LAMC3: variants seen among roughly 807,000 people sequenced by gnomAD.
The protein encoded by LAMC3 is laminin subunit gamma 3, also known as laminin subunit gamma-3.
LAMC3 carries 128 observed loss-of-function variants against 173.8 expected under a neutral mutation model. That is an observed-to-expected ratio of 0.74 (90% CI 0.64 to 0.85). LAMC3 has a LOEUF of 0.85. Ranked by LOEUF, LAMC3 falls within the 40% of genes least tolerant of loss-of-function variation. LAMC3 has a pLI of 0.00. For missense variants in LAMC3, 2,022 were observed against 2,156.0 expected (o/e 0.94, Z 1.23); for synonymous variants, 897 against 909.1 (o/e 0.99, Z 0.24).
At position 131,038,468 on chromosome 9, in the gene LAMC3, T is replaced by C. The variant is rs1305934553; in HGVS notation, c.977-396T>C. Among the ~76,000 whole-genome samples, 3 of 152,238 alleles carry C rather than the reference T, an allele frequency of 2.0e-5. No individual in the cohort carries two copies. In the East Asian group the frequency reaches 5.8e-4, roughly 29 times the overall value. ...GTGCTTTCTGTACCCCTGAGTGACCTCACACAATAGTGAGAGTCACACTAT... is the reference window on the plus strand; with the variant it reads ...GTGCTTTCTGTACCCCTGAGTGACCCCACACAATAGTGAGAGTCACACTAT... On this transcript the variant is annotated intron_variant, in intron 4 of 27. Coordinates refer to ENST00000361069, the MANE Select transcript of LAMC3 (RefSeq NM_006059.4).
intron 1 of LAMC3, among the ~76,000 whole-genome samples, chr9:131,017,496 C>T (rs1006479533): frequency 1.3e-5 from 2 of 149,074 alleles, no homozygotes; most frequent in South Asian, 2.1e-4. Flanking sequence ...AGGCCGAGGC[C>T]GGCGGATCAC....
intron 4 of LAMC3, among the ~76,000 whole-genome samples, chr9:131,038,083 C>T (rs1588145528): frequency 6.6e-6 from 1 of 152,168 alleles, no homozygotes; most frequent in Non-Finnish European, 1.5e-5. Context: ...GCTTTCGCCT[C>T]CTGTCTGCGA....
At position 131,061,241 on chromosome 9, in the gene LAMC3, C is replaced by A; in HGVS notation, c.2347+18C>A. 6.3e-7 allele frequency: 1 copy of A among 1,592,284 alleles called. No individual in the cohort carries two copies. On this transcript the variant is annotated intron_variant, in intron 13 of 27. Coordinates refer to ENST00000361069, the MANE Select transcript of LAMC3 (RefSeq NM_006059.4). ...CCAGAGAGGTAAGTGACTCCTGCCC[C>A]GGAGCCCTGCCCCGCAGAGGGCCAA...
intron 2 of LAMC3, among the ~76,000 whole-genome samples, chr9:131,030,782 C>T (rs1276780685): frequency 3.9e-5 from 6 of 152,360 alleles, no homozygotes; most frequent in South Asian, 2.1e-4. Context: ...CTCTGGACTG[C>T]GGGACTTCCC....
Position 131,071,531 on chromosome 9 carries a change from A to G in LAMC3, c.3117A>G (p.Gln1039=), listed in dbSNP as rs566482956. The G allele has an allele frequency of 3.1e-6, 5 of 1,613,822 alleles. No individual in the cohort carries two copies. In the East Asian group the frequency reaches 8.9e-5, roughly 29 times the overall value. Residue 1039 remains glutamine (Q), a synonymous_variant, in exon 18 of 28, where the codon CAA becomes CAG. Transcript: ENST00000361069. ...TGACTTTGACGGAGGGGTGGCTCCAAGGGTCCGACTGTGGCAGTCCCTGGG... is the reference window on the plus strand; with the variant it reads ...TGACTTTGACGGAGGGGTGGCTCCAGGGGTCCGACTGTGGCAGTCCCTGGG... ...ARLTLTEGWL[Q]GSDCGSPWGP... is the part of the protein sequence containing the mutation.
intron 8 of LAMC3, among the ~76,000 whole-genome samples, chr9:131,046,518 A>ATTTTTGTTTTTTTTTT (rs1834163622): frequency 2.0e-5 from 1 of 49,170 alleles, no homozygotes; most frequent in Non-Finnish European, 3.7e-5. Context: ...TAATTTTTGT[A>ATTTTTGTTTTTTTTTT]TTTTTTTTTT....
chr9:131,059,864 C>G (rs1342174663), intron 12 of LAMC3, among the ~76,000 whole-genome samples: 4 of 152,232 alleles, frequency 2.6e-5, no homozygotes, highest in Non-Finnish European at 5.9e-5. Flanking sequence ...ACAGTTCCCC[C>G]TGGATGCCAG....
chr9:131,028,067 G>C (rs1341987247), intron 2 of LAMC3, among the ~76,000 whole-genome samples: 3 of 152,226 alleles, frequency 2.0e-5, no homozygotes, highest in Admixed American at 6.5e-5. Flanking sequence ...AGCAGGAGAT[G>C]AGCGCGGGCA....
intron 13 of LAMC3, among the ~76,000 whole-genome samples, chr9:131,064,053 A>G (rs1269488315): frequency 6.6e-6 from 1 of 152,064 alleles, no homozygotes; most frequent in Non-Finnish European, 1.5e-5. Flanking sequence ...GATTACAGGC[A>G]TGCACCACCA....
chr9:131,058,788 G>A (rs904754782), intron 12 of LAMC3, among the ~76,000 whole-genome samples: 4 of 151,604 alleles, frequency 2.6e-5, no homozygotes, highest in African/African-American at 9.7e-5. Flanking sequence ...CAGCTGCTTG[G>A]GAGGCTGAGG....
At chr9:131,071,384 G>A in intron 17 of LAMC3, 100 bp from the exon 18 acceptor site, 3 of 1,402,724 alleles carry the variant, frequency 2.1e-6, no homozygotes, top group African/African-American at 1.4e-5. Context: ...TTGGAGAAGG[G>A]AACCCCCAGG....
chr9:131,012,733 C>T (rs983609063), intron 1 of LAMC3, among the ~76,000 whole-genome samples: 3 of 152,234 alleles, frequency 2.0e-5, no homozygotes, highest in African/African-American at 7.2e-5. Context: ...CTTAGGCCAC[C>T]TCTGCTGGCT....
intron 3 of LAMC3, among the ~76,000 whole-genome samples, 199 bp downstream of exon 3, chr9:131,032,374 T>A (rs1436757695): frequency 1.3e-5 from 2 of 152,064 alleles, no homozygotes; most frequent in Admixed American, 6.5e-5. Flanking sequence ...ATCAGCTGAT[T>A]TGCCATGTGC....
At chr9:131,076,283 C>T (rs997476858) in intron 21 of LAMC3, among the ~76,000 whole-genome samples, 1 of 152,188 alleles carries the variant, frequency 6.6e-6, no homozygotes, top group African/African-American at 2.4e-5. Flanking sequence ...GCCCCGGCGC[C>T]CCAGCCCAGG....
Position 131,048,962 on chromosome 9 carries a change from T to C in LAMC3, c.1520-58T>C. 1.0e-5 allele frequency: 12 copies of C among 1,143,614 alleles called. No individual in the cohort carries two copies. The South Asian group carries it at 1.7e-4, about 16-fold the overall frequency. 70.8% of individuals were successfully genotyped at this position (1,143,614 alleles called of 1,614,324 possible). A position where few individuals can be genotyped will look rare whatever the true frequency, so the allele number is the denominator to read the frequency against. On this transcript the variant is annotated intron_variant, in intron 8 of 27. Transcript: ENST00000361069. ...AGGGCCCCCACCTGGGGCTGGCACC[T>C]GGAGACCACCCTCCGGGGCCTCACA...
chr9:131,059,159 G>A (rs1829754317), intron 12 of LAMC3, among the ~76,000 whole-genome samples: 1 of 151,416 alleles, frequency 6.6e-6, no homozygotes, highest in Admixed American at 6.6e-5. Context: ...TCGCGCCGCT[G>A]CACTCTGGCC....
At chr9:131,053,723 C>T (rs1365896715) in intron 11 of LAMC3, among the ~76,000 whole-genome samples, 1 of 152,162 alleles carries the variant, frequency 6.6e-6, no homozygotes, top group Non-Finnish European at 1.5e-5. Flanking sequence ...ATCCCAGCTA[C>T]TTGGGAGGCT....
chr9:131,072,566 G>T, intron 18 of LAMC3, 64 bp from the exon 19 acceptor site: 2 of 1,402,092 alleles, frequency 1.4e-6, no homozygotes, highest in Non-Finnish European at 2.0e-6. Context: ...GGACCCCTGG[G>T]GGTGGGGGCT....
chr9:131,024,988 A>G (rs1490141840), intron 1 of LAMC3, among the ~76,000 whole-genome samples: 1 of 152,058 alleles, frequency 6.6e-6, no homozygotes, highest in Non-Finnish European at 1.5e-5. Context: ...AGTCCTAAAC[A>G]TAGGAGGATG....
Sources: gnomAD v4.1 joint callset for allele counts (sites outside exome capture counted in the v4.1 genomes callset) on GRCh38, gnomAD v4.1.1 for gene constraint, MANE v1.5 for transcripts, NCBI Gene and HGNC (gene_info 2026-07-23, HGNC 2026-07-21) for gene names.